The following SNTG1 variants were observed in gnomAD, a reference collection of about 807,000 sequenced individuals.
The protein encoded by SNTG1 is syntrophin gamma 1.
A neutral mutation model predicts 74.7 loss-of-function variants in SNTG1; 39 were observed. That is an observed-to-expected ratio of 0.52 (90% CI 0.40 to 0.68). SNTG1 has a LOEUF of 0.68. Among genes scored for constraint, SNTG1 ranks in the 30% least tolerant of loss-of-function variants. The probability of loss-of-function intolerance (pLI) is 0.00; values close to 1 mark genes in which losing one functional copy is unlikely to be tolerated. For synonymous variants in SNTG1, 254 were observed against 217.1 expected, an observed-to-expected ratio of 1.17 and a Z score of -1.49; for missense variants, 685 against 609.5, an observed-to-expected ratio of 1.12 and a Z score of -1.30.
At chr8:50,493,545 T>C (rs1479921532) in intron 8 of SNTG1, among the ~76,000 whole-genome samples, 1 of 152,148 alleles carries the variant, frequency 6.6e-6, no homozygotes. Context: ...GGCACCTTCC[T>C]AATACGCTTT....
rs374466140 is a variant in SNTG1 at position 50,590,597 on chromosome 8, A to G, written c.811-282A>G. 1.0e-3 allele frequency among the ~76,000 whole-genome samples: 156 copies of G among 152,256 alleles called. 1 individual carries two copies. Among genetic ancestry groups the G allele is most frequent in the African/African-American group, 3.6e-3 (150 of 41,582 alleles). On this transcript the variant is annotated intron_variant, in intron 12 of 18. Coordinates refer to ENST00000642720, the MANE Select transcript of SNTG1 (RefSeq NM_018967.5). Reference sequence around the variant, plus strand: ...CTGCATTCTTGATAGATAATCATTTAGTATTGTTTGAACACAGGCTTTTGG... The same window carrying G: ...CTGCATTCTTGATAGATAATCATTTGGTATTGTTTGAACACAGGCTTTTGG...
intron 1 of SNTG1, among the ~76,000 whole-genome samples, chr8:49,952,936 CA>C (rs1809850815): frequency 6.6e-6 from 1 of 152,084 alleles, no homozygotes; most frequent in Admixed American, 6.6e-5. Context: ...GTGGCATAGG[CA>C]GAAATCAATT....
At chr8:50,205,640 C>T (rs994704370) in intron 2 of SNTG1, among the ~76,000 whole-genome samples, 1 of 152,140 alleles carries the variant, frequency 6.6e-6, no homozygotes, top group African/African-American at 2.4e-5. Context: ...GAAGTCCTTG[C>T]CCATGCCTAT....
At chr8:50,293,522 G>A (rs1242287109) in intron 2 of SNTG1, among the ~76,000 whole-genome samples, 1 of 151,376 alleles carries the variant, frequency 6.6e-6, no homozygotes, top group African/African-American at 2.4e-5. Context: ...AGATTCTCAT[G>A]CCTCAGCCTC....
chr8:49,912,470 A>ATCTT (rs1208708066), intron 1 of SNTG1, among the ~76,000 whole-genome samples: 1 of 152,208 alleles, frequency 6.6e-6, no homozygotes, highest in Non-Finnish European at 1.5e-5. Flanking sequence ...CTTATCTAAT[A>ATCTT]TCTTTTTGGA....
At chr8:49,985,825 G>A (rs934350260) in intron 1 of SNTG1, among the ~76,000 whole-genome samples, 4 of 151,936 alleles carry the variant, frequency 2.6e-5, no homozygotes, top group African/African-American at 9.7e-5. Flanking sequence ...CACCTGTTTG[G>A]CATTCATTCC....
intron 1 of SNTG1, among the ~76,000 whole-genome samples, chr8:49,954,111 T>C (rs1423445238): frequency 6.6e-6 from 1 of 152,220 alleles, no homozygotes; most frequent in East Asian, 1.9e-4. Context: ...ATAAAAAGAT[T>C]TGTAGTCACT....
chr8:50,766,212 ACATT>A (rs1172870542), intron 18 of SNTG1, among the ~76,000 whole-genome samples: 1 of 152,002 alleles, frequency 6.6e-6, no homozygotes, highest in Non-Finnish European at 1.5e-5. Context: ...ATATTGAACA[ACATT>A]CATTCATCAA....
intron 17 of SNTG1, among the ~76,000 whole-genome samples, chr8:50,731,617 C>T (rs2095513258): frequency 6.6e-6 from 1 of 152,074 alleles, no homozygotes; most frequent in Admixed American, 6.6e-5. Context: ...ACTCTCCTGT[C>T]TGGGTCTACC....
intron 13 of SNTG1, among the ~76,000 whole-genome samples, chr8:50,596,992 A>C (rs2094731799): frequency 6.6e-6 from 1 of 151,962 alleles, no homozygotes; most frequent in Non-Finnish European, 1.5e-5. Context: ...CCTACTGTGT[A>C]ATAGAACATC....
At chr8:50,366,289 G>A (rs1273499760) in intron 2 of SNTG1, among the ~76,000 whole-genome samples, 1 of 152,156 alleles carries the variant, frequency 6.6e-6, no homozygotes, top group Non-Finnish European at 1.5e-5. Context: ...ACTACTACAT[G>A]GTTGCGCCCA....
intron 2 of SNTG1, among the ~76,000 whole-genome samples, chr8:50,324,284 G>C (rs2090647298): frequency 6.6e-6 from 1 of 152,172 alleles, no homozygotes; most frequent in African/African-American, 2.4e-5. Context: ...CAGTTGCTGT[G>C]CTCTTCCTCC....
At chr8:50,134,194 T>C (rs1283512463) in intron 1 of SNTG1, among the ~76,000 whole-genome samples, 1 of 152,150 alleles carries the variant, frequency 6.6e-6, no homozygotes, top group Non-Finnish European at 1.5e-5. Context: ...AAGAGATCCT[T>C]GAATTGATGA....
intron 1 of SNTG1, among the ~76,000 whole-genome samples, chr8:50,004,103 C>T (rs981130917): frequency 4.6e-5 from 7 of 152,064 alleles, no homozygotes; most frequent in African/African-American, 1.7e-4. Context: ...ATCTAGTGTC[C>T]TTGTGCCTGA....
chr8:50,297,840 G>T (rs548087831), intron 2 of SNTG1, among the ~76,000 whole-genome samples: 81 of 150,624 alleles, frequency 5.4e-4, no homozygotes, highest in Non-Finnish European at 8.3e-4. Context: ...GGTAGCAAGA[G>T]AACTGAGTTG....
intron 2 of SNTG1, among the ~76,000 whole-genome samples, chr8:50,320,081 A>G (rs545115785): frequency 3.3e-5 from 5 of 152,108 alleles, no homozygotes; most frequent in Non-Finnish European, 7.4e-5. Context: ...TTTGAGTAGG[A>G]TTGGTGTTAG....
At chr8:50,366,029 T>C (rs2092099286) in intron 2 of SNTG1, among the ~76,000 whole-genome samples, 1 of 152,316 alleles carries the variant, frequency 6.6e-6, no homozygotes. Context: ...GCCTATTATT[T>C]TCTAACAAAC....
intron 2 of SNTG1, among the ~76,000 whole-genome samples, chr8:50,177,114 A>G (rs1459960215): frequency 2.6e-5 from 4 of 152,206 alleles, no homozygotes; most frequent in Non-Finnish European, 5.9e-5. Flanking sequence ...TAATACAGGG[A>G]AAAGCAAAAA....
chr8:50,618,602 A>C lies in SNTG1; in HGVS notation c.849+27685A>C, dbSNP rs2094900032. Among the ~76,000 whole-genome samples the C allele has an allele frequency of 2.6e-5, 4 of 152,234 alleles. No individual in the cohort carries two copies. The South Asian group carries it at 8.3e-4, about 32-fold the overall frequency. On this transcript the variant is annotated intron_variant, in intron 13 of 18. Transcript: ENST00000642720. ...AACTAAGCTTGTTTCACAAGGCTGC[A>C]ATCAAGTTGTTTGTCAGACTGTATT...
Sources: gnomAD v4.1 joint callset for allele counts (sites outside exome capture counted in the v4.1 genomes callset) on GRCh38, gnomAD v4.1.1 for gene constraint, MANE v1.5 for transcripts, NCBI Gene and HGNC (gene_info 2026-07-23, HGNC 2026-07-21) for gene names.